Variants in CCND3 observed in about 807,000 individuals in gnomAD.
The protein encoded by CCND3 is cyclin D3.
Under a neutral mutation model 28.7 loss-of-function variants are expected in CCND3, and 9 were observed. That is an observed-to-expected ratio of 0.31 (90% CI 0.19 to 0.55). The LOEUF is 0.55. Among genes scored for constraint, CCND3 ranks in the 20% least tolerant of loss-of-function variants. The pLI, the probability that CCND3 is intolerant of heterozygous loss-of-function variation, is 0.93. For missense variants in CCND3, 315 were observed against 385.8 expected (o/e 0.82, Z 1.54); for synonymous variants, 164 against 163.9 (o/e 1.00, Z 0.00).
At chr6:41,989,479 A>AAC (rs1762591326) in intron 1 of CCND3, among the ~76,000 whole-genome samples, 6 of 149,836 alleles carry the variant, frequency 4.0e-5, no homozygotes, top group African/African-American at 1.2e-4. Flanking sequence ...AAAAAAAAAA[A>AAC]CAGAAAAGAA....
At chr6:41,991,310 T>C (rs4714531) in intron 1 of CCND3, among the ~76,000 whole-genome samples, 149,173 of 152,270 alleles carry the variant, frequency 0.98, 73,132 homozygotes, top group East Asian at 1. Flanking sequence ...CCACCCGCCT[T>C]GGTCTCCCAA....
In CCND3 at chr6:41,985,304, C is replaced by CT. The variant is rs56672487; in HGVS notation, c.-45-44720dup. Among the ~76,000 whole-genome samples the CT allele has an allele frequency of 4.3e-4, 23 of 53,322 alleles. 4 individuals carry two copies. Among genetic ancestry groups the CT allele is most frequent in the African/African-American group, 1.5e-3 (19 of 12,872 alleles). 35.0% of individuals were successfully genotyped at this position (53,322 alleles called of 152,430 possible). Reference sequence around the variant, plus strand: ...TACAGTTTCAGGTCTCAGTTCAAGTCTTTTTTTTTTTTTTTTTTTTTTTTT... The same window carrying CT: ...TACAGTTTCAGGTCTCAGTTCAAGTCTTTTTTTTTTTTTTTTTTTTTTTTTT... On this transcript the variant is annotated intron_variant, in intron 1 of 4. Coordinates refer to the CCND3 transcript ENST00000372988.
At chr6:42,046,799 CA>C (rs1381384114) in intron 1 of CCND3, among the ~76,000 whole-genome samples, 1 of 152,216 alleles carries the variant, frequency 6.6e-6, no homozygotes, top group Non-Finnish European at 1.5e-5. Context: ...GATACAGGAC[CA>C]CAGACTCCCT....
At chr6:41,945,058 C>T (rs892746669), upstream of CCND3, among the ~76,000 whole-genome samples, 1 of 152,030 alleles carries the variant, frequency 6.6e-6, no homozygotes, top group Non-Finnish European at 1.5e-5. Context: ...AAGCAATGAC[C>T]AGGGCCAATA....
intron 1 of CCND3, among the ~76,000 whole-genome samples, chr6:42,006,091 C>CA (rs1213233047): frequency 2.6e-5 from 4 of 151,614 alleles, no homozygotes; most frequent in Non-Finnish European, 5.9e-5. Flanking sequence ...TCCTTGTGCA[C>CA]CAGAGCTCAA....
chr6:42,010,530 GC>G (rs902008674), intron 1 of CCND3, among the ~76,000 whole-genome samples: 8 of 152,150 alleles, frequency 5.3e-5, no homozygotes, highest in Non-Finnish European at 1.2e-4. Flanking sequence ...AAGACACCAA[GC>G]CCGACAGTAA....
chr6:41,941,841 C>G (rs1227993676), upstream of CCND3: 1 of 277,976 alleles, frequency 3.6e-6, no homozygotes, highest in Non-Finnish European at 6.6e-6. The surrounding 1 kb of genome is among the most constrained non-coding windows in gnomAD (Gnocchi z 6.1). Context: ...ATGTAGCAAC[C>G]GTGGAATGCT....
In CCND3 at chr6:42,023,023, A is replaced by T. The variant is rs1015668569; in HGVS notation, c.-46+25478T>A. ...ATTATTCATGGAGTCTGTATTTGTG[A>T]ATTTGCCTCCTTGCTAAAATTTGTG... On this transcript the variant is annotated intron_variant, in intron 1 of 4. Transcript: ENST00000372988. Among the ~76,000 whole-genome samples, 5 of 152,178 alleles carry T rather than the reference A, an allele frequency of 3.3e-5. No individual in the cohort carries two copies. In the South Asian group the frequency reaches 1.0e-3, roughly 32 times the overall value.
intron 1 of CCND3, among the ~76,000 whole-genome samples, chr6:41,984,724 C>T (rs1762439741): frequency 6.6e-6 from 1 of 152,164 alleles, no homozygotes. Context: ...ACATTCCCAC[C>T]AACGGGACTG....
At chr6:42,007,417 G>A (rs1763208216) in intron 1 of CCND3, among the ~76,000 whole-genome samples, 1 of 152,228 alleles carries the variant, frequency 6.6e-6, no homozygotes, top group African/African-American at 2.4e-5. Context: ...GTCAAGGACT[G>A]AGCAGAGGCT....
chr6:42,048,829 G>A lies in CCND3; in HGVS notation c.-374C>T, dbSNP rs965716817. 4 of 346,486 alleles carry A rather than the reference G, an allele frequency of 1.2e-5. No homozygotes were observed. Among genetic ancestry groups the A allele is most frequent in the Non-Finnish European group, 2.2e-5 (4 of 179,512 alleles). 21.5% of individuals were successfully genotyped at this position (346,486 alleles called of 1,614,324 possible). ...CTCCCACCCCCTGTACACCCTCGGC[G>A]AGGCCAGGAGGCTCATCCGGCGCCG... On this transcript the variant is annotated 5_prime_UTR_variant, in exon 1 of 5. Transcript: ENST00000372988. The surrounding 1 kb of genome is among the most constrained non-coding windows in gnomAD (Gnocchi z 4.7).
At position 41,941,579 on chromosome 6, in the gene CCND3, TC is replaced by T; in HGVS notation, c.70del (p.Asp24ThrfsTer59). ...GAGCAGGCTCTGCAGGACACGCTGG[TC>T]CCCCAGCAGCCGCGGGTCCGGCCCG... is the stretch of plus-strand genomic sequence containing the variant. ...RAGPDPRLLG[D>X]QRVLQSLLRL... On this transcript the variant is annotated frameshift_variant, in exon 1 of 5. Coordinates refer to ENST00000372991, the MANE Select transcript of CCND3 (RefSeq NM_001760.5). LOFTEE classifies it high-confidence loss of function. The surrounding 1 kb of genome is among the most constrained non-coding windows in gnomAD (Gnocchi z 6.1). The T allele has an allele frequency of 1.9e-6, 3 of 1,557,738 alleles. No individual in the cohort carries two copies. The highest frequency in any genetic ancestry group is 1.9e-5 in the Admixed American group (1 of 51,432).
intron 1 of CCND3, among the ~76,000 whole-genome samples, chr6:41,957,766 T>C (rs958899175): frequency 6.6e-6 from 1 of 152,240 alleles, no homozygotes; most frequent in African/African-American, 2.4e-5. Flanking sequence ...CCTGTTTGGA[T>C]AGTCTTTCCC....
At chr6:42,016,430 A>C (rs993531101) in intron 1 of CCND3, among the ~76,000 whole-genome samples, 7 of 152,108 alleles carry the variant, frequency 4.6e-5, no homozygotes, top group Non-Finnish European at 7.4e-5. Flanking sequence ...GTTTACTAAT[A>C]TCTCTGTCCT....
intron 1 of CCND3, among the ~76,000 whole-genome samples, chr6:41,978,593 T>C (rs1198622834): frequency 6.6e-6 from 1 of 152,086 alleles, no homozygotes; most frequent in Non-Finnish European, 1.5e-5. Flanking sequence ...AGAGGATTCC[T>C]ACCACATTAA....
At position 41,936,185 on chromosome 6, in the gene CCND3, C is replaced by T. The variant is rs565876880; in HGVS notation, c.712-78G>A. On this transcript the variant is annotated intron_variant, in intron 4 of 4. Coordinates refer to ENST00000372991, the MANE Select transcript of CCND3 (RefSeq NM_001760.5). The surrounding 1 kb of genome is among the most constrained non-coding windows in gnomAD (Gnocchi z 4.4). ...CAGCAGGTGCAGGGGAAGGACAGCT[C>T]CCAACACATGGGGAAGTCTGGGGAG... The T allele has an allele frequency of 4.8e-5, 70 of 1,458,108 alleles. No homozygotes were observed. In the African/African-American group the frequency reaches 9.5e-4, roughly 20 times the overall value. The allele number at this position is 1,458,108 out of a possible 1,614,324, so 90.3% of individuals were successfully genotyped here.
intron 1 of CCND3, among the ~76,000 whole-genome samples, chr6:41,997,216 C>G (rs9369321): frequency 0.98 from 149,265 of 152,330 alleles, 73,194 homozygotes; most frequent in East Asian, 1. Context: ...CAAAGGGCAG[C>G]GCATTTTCTC....
Position 41,941,055 on chromosome 6 carries a change from C to T in CCND3, c.198+397G>A. The T allele has an allele frequency of 6.3e-7, 1 of 1,592,964 alleles. No individual in the cohort carries two copies. On this transcript the variant is annotated intron_variant, in intron 1 of 4. Transcript: ENST00000372991. The surrounding 1 kb of genome is among the most constrained non-coding windows in gnomAD (Gnocchi z 6.1). Reference sequence around the variant, plus strand: ...ACCCCCATCGCCTTCCCCGCCAGAACCCCGCGAAAGACACAGGAACCGGCT... The same window carrying T: ...ACCCCCATCGCCTTCCCCGCCAGAATCCCGCGAAAGACACAGGAACCGGCT...
At chr6:42,014,033 C>A (rs1186765999) in intron 1 of CCND3, among the ~76,000 whole-genome samples, 1 of 149,248 alleles carries the variant, frequency 6.7e-6, no homozygotes, top group Non-Finnish European at 1.5e-5. Flanking sequence ...GATCGTGCCA[C>A]TGCACTCCAG....
Sources: gnomAD v4.1 joint callset for allele counts (sites outside exome capture counted in the v4.1 genomes callset) on GRCh38, gnomAD v4.1.1 for gene constraint, Gnocchi (gnomAD v3.1) non-coding constraint, MANE v1.5 for transcripts, NCBI Gene and HGNC (gene_info 2026-07-23, HGNC 2026-07-21) for gene names.